The following KIAA1328 variants were observed in gnomAD, a reference collection of about 807,000 sequenced individuals.
The protein encoded by KIAA1328 is KIAA1328, also known as protein hinderin.
In KIAA1328, 52 loss-of-function variants were observed where a neutral mutation model predicts 68.1. That is an observed-to-expected ratio of 0.76 (90% CI 0.61 to 0.96). The LOEUF (loss-of-function observed/expected upper bound fraction) is 0.96, where lower values mean the gene tolerates loss of function less well. KIAA1328 is among the 40% of genes least tolerant of loss of function. The pLI is 0.00. For missense variants in KIAA1328, 641 were observed against 677.6 expected, an observed-to-expected ratio of 0.95 and a Z score of 0.60; for synonymous variants, 232 against 239.4, an observed-to-expected ratio of 0.97 and a Z score of 0.28.
At chr18:36,833,211 G>C (rs970727763) in intron 1 of KIAA1328, 10 of 152,210 alleles carry the variant, frequency 6.6e-5, no homozygotes, top group African/African-American at 1.9e-4. Flanking sequence ...GCGGGAGGTA[G>C]GTAGGTTGTG....
chr18:37,080,636 A>G (rs1384164424), intron 7 of KIAA1328, among the ~76,000 whole-genome samples: 1 of 151,862 alleles, frequency 6.6e-6, no homozygotes, highest in South Asian at 2.1e-4. Flanking sequence ...TTAGCCGGGC[A>G]TGGTGGCAGG....
chr18:36,852,961 A>G (rs1323591341), intron 4 of KIAA1328, among the ~76,000 whole-genome samples: 3 of 152,044 alleles, frequency 2.0e-5, no homozygotes, highest in Non-Finnish European at 2.9e-5. Flanking sequence ...CTATGTTAAT[A>G]TTTTCATATA....
chr18:36,952,519 A>G (rs954683720), intron 5 of KIAA1328, among the ~76,000 whole-genome samples: 2 of 152,140 alleles, frequency 1.3e-5, no homozygotes, highest in African/African-American at 4.8e-5. Flanking sequence ...GGTGAGGTAG[A>G]TATTATCCCC....
chr18:37,070,746 T>C (rs1435225098), intron 7 of KIAA1328, among the ~76,000 whole-genome samples: 2 of 151,868 alleles, frequency 1.3e-5, no homozygotes, highest in African/African-American at 4.8e-5. Context: ...AGTTTTTATA[T>C]ATGTATTTTT....
intron 6 of KIAA1328, among the ~76,000 whole-genome samples, chr18:37,013,435 A>G (rs1401959843): frequency 6.6e-6 from 1 of 152,096 alleles, no homozygotes; most frequent in East Asian, 1.9e-4. Context: ...TTGGGGTACA[A>G]ACGATCCTGT....
intron 9 of KIAA1328, 72 bp downstream of exon 9, chr18:37,173,153 G>T: frequency 8.9e-7 from 1 of 1,122,250 alleles, no homozygotes; most frequent in South Asian, 1.5e-5. Flanking sequence ...TATTTAATAA[G>T]GAAGGGAAAA....
At chr18:37,078,080 A>C (rs574258405) in intron 7 of KIAA1328, among the ~76,000 whole-genome samples, 3 of 152,356 alleles carry the variant, frequency 2.0e-5, no homozygotes, top group African/African-American at 7.2e-5. Context: ...TTCAAAGTAT[A>C]CTACAAGGCT....
At chr18:37,149,246 A>G (rs1298456973) in intron 7 of KIAA1328, among the ~76,000 whole-genome samples, 1 of 152,176 alleles carries the variant, frequency 6.6e-6, no homozygotes, top group Non-Finnish European at 1.5e-5. Flanking sequence ...TAGAAGACAC[A>G]GAAATAAGAC....
intron 7 of KIAA1328, among the ~76,000 whole-genome samples, chr18:37,096,892 A>G (rs886821090): frequency 7.9e-5 from 12 of 152,070 alleles, no homozygotes; most frequent in African/African-American, 2.9e-4. Flanking sequence ...GTGTCTGTTC[A>G]TTTCCTTCAC....
chr18:36,913,293 AG>A (rs1190183492), intron 5 of KIAA1328, among the ~76,000 whole-genome samples: 1 of 151,434 alleles, frequency 6.6e-6, no homozygotes, highest in Non-Finnish European at 1.5e-5. Context: ...CCAAGGTGGG[AG>A]GATCACTTGA....
At chr18:37,158,351 A>G (rs1178834531) in intron 7 of KIAA1328, among the ~76,000 whole-genome samples, 2 of 152,162 alleles carry the variant, frequency 1.3e-5, no homozygotes, top group East Asian at 3.9e-4. Flanking sequence ...CAAAAAGGTG[A>G]TACCCATTTG....
intron 8 of KIAA1328, among the ~76,000 whole-genome samples, chr18:37,166,792 C>T (rs2059397853): frequency 6.6e-6 from 1 of 152,098 alleles, no homozygotes; most frequent in Non-Finnish European, 1.5e-5. Context: ...CAGATGAACA[C>T]ACCACTGGCA....
intron 6 of KIAA1328, among the ~76,000 whole-genome samples, chr18:37,064,640 C>T (rs556493186): frequency 1.1e-4 from 17 of 148,710 alleles, no homozygotes; most frequent in Admixed American, 4.7e-4. Context: ...TTAAGGCTCT[C>T]GAGAGGGGGA....
intron 5 of KIAA1328, among the ~76,000 whole-genome samples, chr18:36,891,211 A>G (rs546467869): frequency 2.6e-5 from 4 of 152,364 alleles, no homozygotes; most frequent in African/African-American, 9.6e-5. Flanking sequence ...CCCTAAGTTA[A>G]TCAGAAGTCC....
At chr18:36,920,570 C>G (rs1474597725) in intron 5 of KIAA1328, among the ~76,000 whole-genome samples, 1 of 152,166 alleles carries the variant, frequency 6.6e-6, no homozygotes, top group South Asian at 2.1e-4. Flanking sequence ...GTGGGTCTTG[C>G]ATTAAAGCTT....
intron 4 of KIAA1328, among the ~76,000 whole-genome samples, chr18:36,879,411 G>A (rs937773817): frequency 2.0e-5 from 3 of 152,148 alleles, no homozygotes; most frequent in African/African-American, 7.2e-5. Flanking sequence ...TCACAGAGGG[G>A]CACCTGCCAG....
At chr18:37,191,295 G>A (rs1432054836) in intron 9 of KIAA1328, among the ~76,000 whole-genome samples, 2 of 151,994 alleles carry the variant, frequency 1.3e-5, no homozygotes, top group Admixed American at 6.6e-5. Flanking sequence ...CATTACATAC[G>A]TTACATTGTG....
intron 6 of KIAA1328, among the ~76,000 whole-genome samples, chr18:36,961,417 C>A (rs964161275): frequency 6.6e-6 from 1 of 152,082 alleles, no homozygotes; most frequent in African/African-American, 2.4e-5. Context: ...GGAGAACTTC[C>A]CCAACCAAGC....
At chr18:36,954,582 T>A (rs536822540) in intron 5 of KIAA1328, 4 of 152,314 alleles carry the variant, frequency 2.6e-5, no homozygotes, top group African/African-American at 7.2e-5. Context: ...TTAATGATCT[T>A]TGCCTGAATT....
Sources: allele counts gnomAD v4.1 joint callset (sites outside exome capture counted in the v4.1 genomes callset), GRCh38; gene constraint gnomAD v4.1.1; transcripts MANE v1.5; gene names NCBI Gene and HGNC (gene_info 2026-07-23, HGNC 2026-07-21).